Variants in MSRA observed in about 807,000 individuals in gnomAD.
The protein encoded by MSRA is methionine sulfoxide reductase A.
MSRA carries 54 observed loss-of-function variants against 31.3 expected under a neutral mutation model. That is an observed-to-expected ratio of 1.73 (90% CI 1.39 to 2.17). The LOEUF (loss-of-function observed/expected upper bound fraction) is 2.17, where lower values mean the gene tolerates loss of function less well. Among genes scored for constraint, MSRA ranks in the 30% most tolerant of loss-of-function variants. The probability of loss-of-function intolerance (pLI) is 0.00; values close to 1 mark genes in which losing one functional copy is unlikely to be tolerated. For missense variants in MSRA, 507 were observed against 300.9 expected (o/e 1.69, Z -5.07); for synonymous variants, 169 against 116.5 (o/e 1.45, Z -2.90).
intron 1 of MSRA, among the ~76,000 whole-genome samples, chr8:10,183,889 GTGT>G (rs140134947): frequency 6.6e-6 from 1 of 151,240 alleles, no homozygotes; most frequent in Non-Finnish European, 1.5e-5. Context: ...GGTATAGGTG[GTGT>G]TGGTGGTGGT....
chr8:10,177,800 G>T (rs1806189723), intron 1 of MSRA, among the ~76,000 whole-genome samples: 1 of 152,232 alleles, frequency 6.6e-6, no homozygotes, highest in Non-Finnish European at 1.5e-5. Flanking sequence ...AAGAAAAGCT[G>T]TGGATGCTTA....
intron 3 of MSRA, among the ~76,000 whole-genome samples, chr8:10,251,777 G>T (rs879528507): frequency 1.3e-5 from 2 of 151,114 alleles, no homozygotes; most frequent in African/African-American, 2.4e-5. Flanking sequence ...AAAACAGCTG[G>T]TTTTGTTTAT....
chr8:10,172,199 C>G (rs1329055382), intron 1 of MSRA, among the ~76,000 whole-genome samples: 1 of 152,072 alleles, frequency 6.6e-6, no homozygotes, highest in Non-Finnish European at 1.5e-5. Flanking sequence ...GATCTGGTCA[C>G]GGGAGTATGG....
intron 2 of MSRA, among the ~76,000 whole-genome samples, chr8:10,237,609 C>T (rs1023244740): frequency 6.6e-6 from 1 of 152,162 alleles, no homozygotes; most frequent in African/African-American, 2.4e-5. Context: ...AGAAGACTTA[C>T]TCTACTAGGT....
At chr8:10,274,957 C>A (rs1799246249) in intron 3 of MSRA, among the ~76,000 whole-genome samples, 2 of 152,128 alleles carry the variant, frequency 1.3e-5, no homozygotes, top group African/African-American at 4.8e-5. Flanking sequence ...TTATTTCACT[C>A]AATTAAACTA....
chr8:10,333,828 G>T (rs1802854765), intron 5 of MSRA, among the ~76,000 whole-genome samples: 1 of 151,880 alleles, frequency 6.6e-6, no homozygotes, highest in Non-Finnish European at 1.5e-5. Flanking sequence ...ACGCTGAGTG[G>T]GACCTTCCCT....
intron 2 of MSRA, among the ~76,000 whole-genome samples, chr8:10,222,575 A>C (rs899448787): frequency 6.6e-6 from 1 of 152,210 alleles, no homozygotes; most frequent in African/African-American, 2.4e-5. Flanking sequence ...ACTATTCACA[A>C]CATACAAGAT....
intron 1 of MSRA, among the ~76,000 whole-genome samples, chr8:10,094,046 T>A (rs1320921388): frequency 1.3e-5 from 2 of 152,212 alleles, no homozygotes; most frequent in African/African-American, 4.8e-5. Context: ...TTCTCTTTAG[T>A]CTTTGGCTAT....
intron 5 of MSRA, among the ~76,000 whole-genome samples, chr8:10,346,762 C>A (rs1173876295): frequency 6.6e-6 from 1 of 152,160 alleles, no homozygotes; most frequent in Admixed American, 6.5e-5. Flanking sequence ...CAAGCCAGGA[C>A]AAAAGTTAGG....
At chr8:10,295,369 A>C (rs528005647) in intron 3 of MSRA, among the ~76,000 whole-genome samples, 58 of 152,032 alleles carry the variant, frequency 3.8e-4, no homozygotes, top group African/African-American at 1.1e-3. Flanking sequence ...GCCTCTCCGG[A>C]AGGCACAGGC....
chr8:10,343,913 A>G (rs979636050), intron 5 of MSRA, among the ~76,000 whole-genome samples: 11 of 152,220 alleles, frequency 7.2e-5, no homozygotes, highest in Admixed American at 1.3e-4. Context: ...GTGGGTATCA[A>G]TAATGAATGA....
chr8:10,135,218 CT>C (rs1160778679), intron 1 of MSRA, among the ~76,000 whole-genome samples: 1 of 152,246 alleles, frequency 6.6e-6, no homozygotes, highest in Non-Finnish European at 1.5e-5. Flanking sequence ...TGGTTCCCCA[CT>C]TTTCAGGCCA....
intron 1 of MSRA, among the ~76,000 whole-genome samples, chr8:10,165,930 C>T (rs1805085359): frequency 6.6e-6 from 1 of 152,170 alleles, no homozygotes; most frequent in African/African-American, 2.4e-5. Context: ...CACAGAGAAG[C>T]CAAGCAGACT....
chr8:10,173,550 A>G (rs1453572393), intron 1 of MSRA, among the ~76,000 whole-genome samples: 2 of 152,186 alleles, frequency 1.3e-5, no homozygotes, highest in Non-Finnish European at 2.9e-5. Flanking sequence ...TTGCCCATAA[A>G]TCGAGGCTAC....
At chr8:10,332,349 T>A (rs1802750904) in intron 5 of MSRA, among the ~76,000 whole-genome samples, 1 of 152,188 alleles carries the variant, frequency 6.6e-6, no homozygotes, top group Non-Finnish European at 1.5e-5. Flanking sequence ...TTTAAAAAAT[T>A]TTTTTTATCT....
At chr8:10,109,179 A>C (rs773965457) in intron 1 of MSRA, among the ~76,000 whole-genome samples, 4 of 152,140 alleles carry the variant, frequency 2.6e-5, no homozygotes, top group Admixed American at 1.3e-4. Context: ...GCCTGCCTTT[A>C]AAAAAAGCAC....
chr8:10,398,735 G>A (rs1302738632), intron 5 of MSRA, among the ~76,000 whole-genome samples: 2 of 152,200 alleles, frequency 1.3e-5, no homozygotes, highest in East Asian at 1.9e-4. Context: ...CTGGGAGGTT[G>A]GGGATTTGTT....
intron 5 of MSRA, among the ~76,000 whole-genome samples, chr8:10,400,210 A>T (rs1807366757): frequency 6.6e-6 from 1 of 152,016 alleles, no homozygotes; most frequent in Admixed American, 6.6e-5. Flanking sequence ...GCCAGGCTGG[A>T]ATGGGATCGG....
chr8:10,110,839 G>A (rs1028569690), intron 1 of MSRA, among the ~76,000 whole-genome samples: 3 of 152,148 alleles, frequency 2.0e-5, no homozygotes, highest in South Asian at 2.1e-4. Context: ...ATTTCGACAC[G>A]TGGCAGCCTT....
Sources: allele counts gnomAD v4.1 joint callset (sites outside exome capture counted in the v4.1 genomes callset), GRCh38; gene constraint gnomAD v4.1.1; transcripts MANE v1.5; gene names NCBI Gene and HGNC (gene_info 2026-07-23, HGNC 2026-07-21).